Variants in DGKB observed in about 807,000 individuals in gnomAD.
The protein encoded by DGKB is diacylglycerol kinase beta.
Under a neutral mutation model 114.3 loss-of-function variants are expected in DGKB, and 67 were observed. The observed-to-expected ratio is 0.59, with a 90% CI of 0.48 to 0.72. The LOEUF (loss-of-function observed/expected upper bound fraction) is 0.72, where lower values mean the gene tolerates loss of function less well. Among genes scored for constraint, DGKB ranks in the 30% least tolerant of loss-of-function variants. The pLI, the probability that DGKB is intolerant of heterozygous loss-of-function variation, is 0.00. For missense variants in DGKB, 907 were observed against 975.2 expected (o/e 0.93, Z 0.93); for synonymous variants, 398 against 323.1 (o/e 1.23, Z -2.49).
At chr7:14,392,995 G>GTTTTTTTGTTTTTTTGTTTTTTTTTTTTT (rs1554404750) in intron 21 of DGKB, among the ~76,000 whole-genome samples, 1 of 60,546 alleles carries the variant, frequency 1.7e-5, no homozygotes, top group East Asian at 5.3e-4. Flanking sequence ...TTTTGTTTTT[G>GTTTTTTTGTTTTTTTGTTTTTTTTTTTTT]TTTTTTTTTT....
intron 20 of DGKB, among the ~76,000 whole-genome samples, chr7:14,544,918 A>G (rs1316595284): frequency 2.0e-5 from 3 of 150,924 alleles, no homozygotes; most frequent in Non-Finnish European, 2.9e-5. Flanking sequence ...CCAAATGTCA[A>G]TTTTCCCCTT....
rs1349303795 is a variant in DGKB at position 14,812,534 on chromosome 7, T to G, written c.70+28660A>C. ...TCCACCATATTTTCTAAAGTCATTC[T>G]TCTTTAATATTAAACCACTTCACCT... On this transcript the variant is annotated intron_variant, in intron 2 of 25. Transcript: ENST00000402815. Among the ~76,000 whole-genome samples the G allele has an allele frequency of 4.6e-5, 7 of 152,314 alleles. No individual in the cohort carries two copies. The East Asian group carries it at 1.3e-3, about 29-fold the overall frequency.
intron 13 of DGKB, among the ~76,000 whole-genome samples, chr7:14,648,051 G>A (rs1054729593): frequency 9.9e-5 from 15 of 152,194 alleles, no homozygotes; most frequent in Admixed American, 1.3e-4. Flanking sequence ...ACTGCAAGGC[G>A]GCAGCGAGGC....
At chr7:14,541,360 G>A (rs928197783) in intron 20 of DGKB, among the ~76,000 whole-genome samples, 3 of 152,072 alleles carry the variant, frequency 2.0e-5, no homozygotes, top group Admixed American at 1.3e-4. Flanking sequence ...TTGGCAATGC[G>A]AAAGAACCAA....
chr7:14,410,239 C>G (rs1824648400), intron 21 of DGKB, among the ~76,000 whole-genome samples: 1 of 151,274 alleles, frequency 6.6e-6, no homozygotes, highest in Non-Finnish European at 1.5e-5. Flanking sequence ...TACATGCACA[C>G]ATGTATATAT....
At chr7:14,855,159 T>C (rs982707499) in intron 1 of DGKB, among the ~76,000 whole-genome samples, 1 of 152,128 alleles carries the variant, frequency 6.6e-6, no homozygotes, top group Admixed American at 6.5e-5. Context: ...CAAAAAAAGA[T>C]TGGTGAACAG....
At chr7:14,281,983 C>A (rs1385601931) in intron 23 of DGKB, among the ~76,000 whole-genome samples, 5 of 124,410 alleles carry the variant, frequency 4.0e-5, no homozygotes, top group Non-Finnish European at 8.3e-5. Flanking sequence ...CATTCAAAAG[C>A]TAGCAGAAGG....
intron 1 of DGKB, among the ~76,000 whole-genome samples, chr7:14,849,794 C>T (rs1849106797): frequency 6.6e-6 from 1 of 152,172 alleles, no homozygotes; most frequent in African/African-American, 2.4e-5. Flanking sequence ...CAGACCACCA[C>T]TGATCAGTCT....
chr7:14,183,109 G>A (rs1354037441), intron 23 of DGKB, among the ~76,000 whole-genome samples: 1 of 152,122 alleles, frequency 6.6e-6, no homozygotes, highest in Non-Finnish European at 1.5e-5. Flanking sequence ...CTATGGAGTT[G>A]TACCTTTTGA....
chr7:14,561,638 A>G (rs904615459), intron 20 of DGKB, among the ~76,000 whole-genome samples: 2 of 152,194 alleles, frequency 1.3e-5, no homozygotes, highest in Non-Finnish European at 2.9e-5. Context: ...AACTGGAGCA[A>G]TGGTAACTCT....
At chr7:14,840,699 AACACACACACACAC>A (rs57577998) in intron 2 of DGKB, among the ~76,000 whole-genome samples, 3,312 of 130,230 alleles carry the variant, frequency 0.025, 50 homozygotes, top group African/African-American at 0.051. Flanking sequence ...ACTCTCTTTT[AACACACACACACAC>A]ACACACACAC....
chr7:14,708,831 T>C (rs755805405), intron 6 of DGKB, among the ~76,000 whole-genome samples: 12,515 of 145,782 alleles, frequency 0.086, 1,158 homozygotes, highest in African/African-American at 0.24. Flanking sequence ...GGATTAAAGA[T>C]TTAAACGTTA....
At chr7:14,694,764 A>G (rs960771400) in intron 8 of DGKB, among the ~76,000 whole-genome samples, 6 of 152,146 alleles carry the variant, frequency 3.9e-5, no homozygotes, top group African/African-American at 1.4e-4. Flanking sequence ...TCTCTGTGGT[A>G]TGGTGGCAAT....
At chr7:14,332,129 T>A (rs1221590349) in intron 23 of DGKB, among the ~76,000 whole-genome samples, 1 of 151,878 alleles carries the variant, frequency 6.6e-6, no homozygotes, top group African/African-American at 2.4e-5. Context: ...AATTTTTCCA[T>A]GAAAGATAGT....
At chr7:14,570,827 GA>G (rs999586709) in intron 20 of DGKB, among the ~76,000 whole-genome samples, 1 of 150,756 alleles carries the variant, frequency 6.6e-6, no homozygotes, top group Non-Finnish European at 1.5e-5. Context: ...AACTTTTATT[GA>G]AAAAAAAATC....
At chr7:14,207,936 C>T (rs1231371480) in intron 23 of DGKB, among the ~76,000 whole-genome samples, 2 of 151,956 alleles carry the variant, frequency 1.3e-5, no homozygotes, top group Non-Finnish European at 2.9e-5. Context: ...TCATTTGAAC[C>T]TTGAACCAGC....
At chr7:14,735,713 G>A (rs1363181841) in intron 5 of DGKB, among the ~76,000 whole-genome samples, 1 of 152,060 alleles carries the variant, frequency 6.6e-6, no homozygotes, top group Admixed American at 6.6e-5. Context: ...GTTGCTTTGT[G>A]ACCACATTTT....
intron 23 of DGKB, among the ~76,000 whole-genome samples, chr7:14,275,543 A>G (rs1379746187): frequency 6.6e-6 from 1 of 152,204 alleles, no homozygotes; most frequent in Non-Finnish European, 1.5e-5. Context: ...ACATGTGGGA[A>G]TGAGTCAAAT....
chr7:14,849,337 T>C (rs1849042975), intron 1 of DGKB, among the ~76,000 whole-genome samples: 1 of 152,120 alleles, frequency 6.6e-6, no homozygotes, highest in Non-Finnish European at 1.5e-5. Context: ...TGAAATTTAA[T>C]TGCCATTGTA....
Sources: allele counts gnomAD v4.1 joint callset (sites outside exome capture counted in the v4.1 genomes callset), GRCh38; gene constraint gnomAD v4.1.1; transcripts MANE v1.5; gene names NCBI Gene and HGNC (gene_info 2026-07-23, HGNC 2026-07-21).